AK9: variants seen among roughly 807,000 people sequenced by gnomAD.
AK9 encodes the protein adenylate kinase 9, also known as adenylate kinase domain containing 1.
AK9 carries 191 observed loss-of-function variants against 239.6 expected under a neutral mutation model. That is an observed-to-expected ratio of 0.80 (90% CI 0.71 to 0.90). The LOEUF (loss-of-function observed/expected upper bound fraction) is 0.90. Ranked by LOEUF, AK9 falls within the 40% of genes least tolerant of loss-of-function variation. The probability of loss-of-function intolerance (pLI) is 0.00; values close to 1 mark genes in which losing one functional copy is unlikely to be tolerated. For missense variants in AK9, 1,995 were observed against 2,214.7 expected (o/e 0.90, Z 1.99); for synonymous variants, 689 against 721.0 (o/e 0.96, Z 0.71).
intron 5 of AK9, among the ~76,000 whole-genome samples, chr6:109,665,457 C>T (rs574183866): frequency 2.1e-4 from 28 of 132,448 alleles, no homozygotes; most frequent in Admixed American, 5.5e-4. Flanking sequence ...CTTTCTCTAC[C>T]TGCCTCTTCT....
intron 27 of AK9, among the ~76,000 whole-genome samples, chr6:109,541,338 T>C (rs899490924): frequency 5.9e-5 from 9 of 152,230 alleles, no homozygotes; most frequent in Admixed American, 4.6e-4. Context: ...GCATTCTCTA[T>C]TATATTATAG....
chr6:109,509,518 G>GC, intron 32 of AK9, 138 bp from the exon 33 acceptor site: 1 of 759,982 alleles, frequency 1.3e-6, no homozygotes, highest in South Asian at 1.9e-5. Flanking sequence ...AGCAAACATA[G>GC]TGATGGCAGT....
At chr6:109,569,148 T>C (rs1173181728) in intron 21 of AK9, among the ~76,000 whole-genome samples, 1 of 152,144 alleles carries the variant, frequency 6.6e-6, no homozygotes, top group African/African-American at 2.4e-5. Flanking sequence ...CATCTGATCT[T>C]TGACAAACCT....
intron 12 of AK9, among the ~76,000 whole-genome samples, chr6:109,628,961 T>C (rs1795835718): frequency 1.3e-5 from 2 of 152,204 alleles, no homozygotes; most frequent in Admixed American, 6.5e-5. Context: ...TATACTTTGA[T>C]GAAATATAAT....
At chr6:109,598,400 A>G (rs1211628138) in intron 17 of AK9, among the ~76,000 whole-genome samples, 2 of 152,204 alleles carry the variant, frequency 1.3e-5, no homozygotes, top group African/African-American at 2.4e-5. Flanking sequence ...AAAGGACACG[A>G]ACTCATCATT....
chr6:109,619,496 T>C (rs1794572937), intron 12 of AK9, among the ~76,000 whole-genome samples: 1 of 152,158 alleles, frequency 6.6e-6, no homozygotes, highest in Non-Finnish European at 1.5e-5. Flanking sequence ...TCAGATTATG[T>C]ATATATTTTG....
intron 1 of AK9, among the ~76,000 whole-genome samples, chr6:109,683,798 C>G (rs6568593): frequency 0.42 from 63,454 of 151,984 alleles, 14,925 homozygotes; most frequent in African/African-American, 0.64. Flanking sequence ...TAGGAAGAAT[C>G]ATATTGTGAA....
intron 25 of AK9, among the ~76,000 whole-genome samples, chr6:109,548,634 CA>C: frequency 6.6e-6 from 1 of 152,210 alleles, no homozygotes; most frequent in African/African-American, 2.4e-5. Context: ...AAACAATAGC[CA>C]AAACACCTAG....
At position 109,610,352 on chromosome 6, in the gene AK9, C is replaced by G; in HGVS notation, c.1842+13G>C. 1 of 1,550,746 alleles carries G rather than the reference C, an allele frequency of 6.4e-7. No homozygotes were observed. The highest frequency in any genetic ancestry group is 8.7e-7 in the Non-Finnish European group (1 of 1,146,522). Reference sequence around the variant, plus strand: ...TAAGTCACTGATAAGAATTGCCCAGCTAGATTTTTTACCTCTCCAAGGACT... The same window carrying G: ...TAAGTCACTGATAAGAATTGCCCAGGTAGATTTTTTACCTCTCCAAGGACT... On this transcript the variant is annotated intron_variant, in intron 17 of 40. Transcript: ENST00000424296.
chr6:109,629,898 G>A (rs1384455096), intron 12 of AK9, among the ~76,000 whole-genome samples: 2 of 152,134 alleles, frequency 1.3e-5, no homozygotes, highest in African/African-American at 4.8e-5. Context: ...CTCCCAACGT[G>A]CTGGGATTAC....
In AK9 at chr6:109,628,677, C is replaced by G. The variant is rs569576585; in HGVS notation, c.1254+4246G>C. ...TTTTGATATGGGTGAAAATTTTCAT[C>G]TTACTATTATTTTATGTTACCTATT... is the stretch of plus-strand genomic sequence containing the variant. On this transcript the variant is annotated intron_variant, in intron 12 of 40. Coordinates refer to ENST00000424296, the MANE Select transcript of AK9 (RefSeq NM_001145128.3). 2.6e-5 allele frequency among the ~76,000 whole-genome samples: 4 copies of G among 152,156 alleles called. No homozygotes were observed. The South Asian group carries it at 6.2e-4, about 24-fold the overall frequency.
intron 17 of AK9, among the ~76,000 whole-genome samples, chr6:109,602,174 G>C (rs1364816356): frequency 1.3e-5 from 2 of 152,122 alleles, no homozygotes; most frequent in African/African-American, 4.8e-5. Flanking sequence ...AGCATCAGTG[G>C]TCTTTACAAT....
chr6:109,673,059 G>C (rs1465642525), intron 3 of AK9, among the ~76,000 whole-genome samples: 5 of 152,142 alleles, frequency 3.3e-5, no homozygotes, highest in Non-Finnish European at 5.9e-5. Flanking sequence ...GGACATCCTG[G>C]GATAGGAATG....
chr6:109,494,146 T>C, intron 39 of AK9, 51 bp from the exon 40 acceptor site: 1 of 1,366,988 alleles, frequency 7.3e-7, no homozygotes, highest in Non-Finnish European at 1.0e-6. Flanking sequence ...TTTGGTTTCT[T>C]TTCTTAGTGC....
chr6:109,531,163 T>G (rs953199002), intron 28 of AK9, among the ~76,000 whole-genome samples: 1 of 152,022 alleles, frequency 6.6e-6, no homozygotes, highest in Admixed American at 6.6e-5. Flanking sequence ...ATTAGAGAAT[T>G]TGGGATAAGA....
In AK9 at chr6:109,542,843, T is replaced by C. The variant is rs150491078; in HGVS notation, c.3226-672A>G. ...ACACAACCACTTTTGCACCAACCTA[T>C]AGTAAATAATATTTACTACAGCTAA... On this transcript the variant is annotated intron_variant, in intron 26 of 40. Transcript: ENST00000424296. Among the ~76,000 whole-genome samples, 480 of 152,338 alleles carry C rather than the reference T, an allele frequency of 3.2e-3. 2 individuals are homozygous for C. Among genetic ancestry groups the C allele is most frequent in the African/African-American group, 0.011 (466 of 41,578 alleles).
At position 109,612,037 on chromosome 6, in the gene AK9, G is replaced by T; in HGVS notation, c.1666C>A (p.Gln556Lys). ...GTATCTGAATACAACTTTACATCTT[G>T]ACTAGCATCTTGAGAATGCCTTTTA... Reference protein sequence around the residue: ...TFKRHSQDASQDVKLYSDTAP... With the variant: ...TFKRHSQDASKDVKLYSDTAP... Residue 556 changes from glutamine to lysine, a missense_variant, in exon 16 of 41, where the codon CAA becomes AAA. Gln to Lys is a moderately conservative substitution (Grantham distance 53). This residue lies in a region of AK9 where 1,290 missense variants were observed against 1,392.7 expected (regional missense o/e 0.93). Coordinates refer to ENST00000424296, the MANE Select transcript of AK9 (RefSeq NM_001145128.3). 6.5e-7 allele frequency: 1 copy of T among 1,536,414 alleles called. No individual in the cohort carries two copies. Among genetic ancestry groups the T allele is most frequent in the South Asian group, 1.2e-5 (1 of 81,326 alleles).
rs146987591 is a variant in AK9, at chr6:109,493,628, T to C, written c.5534-57A>G. 1,169 of 1,452,962 alleles carry C rather than the reference T, an allele frequency of 8.0e-4. 8 individuals carry two copies. In the African/African-American group the frequency reaches 0.014, roughly 17 times the overall value. 90.0% of individuals were successfully genotyped at this position (1,452,962 alleles called of 1,614,324 possible). On this transcript the variant is annotated intron_variant, in intron 40 of 40. Coordinates refer to ENST00000424296, the MANE Select transcript of AK9 (RefSeq NM_001145128.3). The stretch of plus-strand genomic sequence containing the variant: ...TTCTGCTAGTTAGTGAGTCATTAAA[T>C]GAAAGAGACCTGGATGTGTGGTTGA...
intron 35 of AK9, among the ~76,000 whole-genome samples, chr6:109,502,053 G>C (rs1384537418): frequency 6.6e-6 from 1 of 152,076 alleles, no homozygotes; most frequent in Non-Finnish European, 1.5e-5. Flanking sequence ...TGTATCACTG[G>C]AAGCCACAGG....
Sources: allele counts gnomAD v4.1 joint callset (sites outside exome capture counted in the v4.1 genomes callset), GRCh38; gene constraint gnomAD v4.1.1; regional missense constraint gnomAD v4.1.1; transcripts MANE v1.5; gene names NCBI Gene and HGNC (gene_info 2026-07-23, HGNC 2026-07-21).